The following ZC3H13 variants were observed in gnomAD, a reference collection of about 807,000 sequenced individuals.
ZC3H13 encodes zinc finger CCCH domain-containing protein 13.
In ZC3H13, 64 loss-of-function variants were observed where a neutral mutation model predicts 204.1. The observed-to-expected ratio is 0.31, with a 90% CI of 0.26 to 0.39. The LOEUF is 0.39. Ranked by LOEUF, ZC3H13 falls within the 10% of genes least tolerant of loss-of-function variation. The probability of loss-of-function intolerance (pLI) is 1.00; values close to 1 mark genes in which losing one functional copy is unlikely to be tolerated. For missense variants in ZC3H13, 1,833 were observed against 2,082.7 expected, an observed-to-expected ratio of 0.88 and a Z score of 2.33; for synonymous variants, 667 against 693.7, an observed-to-expected ratio of 0.96 and a Z score of 0.60.
chr13:46,038,304 C>T (rs916642361), intron 4 of ZC3H13, among the ~76,000 whole-genome samples: 9 of 152,174 alleles, frequency 5.9e-5, no homozygotes, highest in Non-Finnish European at 1.0e-4. Flanking sequence ...GACACCGCGT[C>T]GATCCTTCAA....
intron 3 of ZC3H13, among the ~76,000 whole-genome samples, chr13:46,044,246 C>A: frequency 6.6e-6 from 1 of 150,946 alleles, no homozygotes; most frequent in African/African-American, 2.4e-5. Context: ...CCAAAACAAT[C>A]AGTGTAACCA....
chr13:46,033,677 A>C (rs1301860314), intron 4 of ZC3H13, among the ~76,000 whole-genome samples: 13 of 152,160 alleles, frequency 8.5e-5, no homozygotes, highest in Admixed American at 8.5e-4. Context: ...AAGTACTCTC[A>C]GTAAAAGGAA....
intron 9 of ZC3H13, among the ~76,000 whole-genome samples, chr13:45,987,880 G>A (rs2138240723): frequency 6.6e-6 from 1 of 152,316 alleles, no homozygotes; most frequent in South Asian, 2.1e-4. Flanking sequence ...AGAAAGAGAT[G>A]AGAGCTATTA....
At chr13:46,001,618 CAT>C (rs1387222563) in intron 8 of ZC3H13, among the ~76,000 whole-genome samples, 2 of 152,174 alleles carry the variant, frequency 1.3e-5, no homozygotes, top group African/African-American at 4.8e-5. Flanking sequence ...TTCAACTCCT[CAT>C]AACACAAATG....
rs1280273577 is a variant in ZC3H13 at position 45,975,279 on chromosome 13, T to G, written c.2468+4A>C. ...TGTTATTAATAACTGATAATTATTC[T>G]TACTTTGATTTTCTTTCATCATGTC... is the stretch of plus-strand genomic sequence containing the variant. On this transcript the variant is annotated splice_donor_region_variant and intron_variant, in intron 12 of 18. Coordinates refer to ENST00000679008, the MANE Select transcript of ZC3H13 (RefSeq NM_001330564.2). 6.2e-6 allele frequency: 10 copies of G among 1,604,810 alleles called. No homozygotes were observed. Among genetic ancestry groups the G allele is most frequent in the Non-Finnish European group, 8.5e-6 (10 of 1,174,280 alleles).
At position 46,049,443 on chromosome 13, in the gene ZC3H13, C is replaced by T. The variant is rs559245549; in HGVS notation, c.-10+2961G>A. ...ATTCTTCTGATCATCCATGTAAAAA[C>T]TTCCACAAGTAGTCAACAATAAAAT... is the stretch of plus-strand genomic sequence containing the variant. On this transcript the variant is annotated intron_variant, in intron 1 of 18. Coordinates refer to ENST00000679008, the MANE Select transcript of ZC3H13 (RefSeq NM_001330564.2). Among the ~76,000 whole-genome samples the T allele has an allele frequency of 2.0e-4, 30 of 152,196 alleles. No individual in the cohort carries two copies. The South Asian group carries it at 6.0e-3, about 31-fold the overall frequency.
At chr13:45,997,604 A>C (rs564228152) in intron 8 of ZC3H13, among the ~76,000 whole-genome samples, 2 of 152,336 alleles carry the variant, frequency 1.3e-5, no homozygotes, top group South Asian at 4.1e-4. Flanking sequence ...TGGATAATTC[A>C]GTAAACATTA....
intron 4 of ZC3H13, among the ~76,000 whole-genome samples, chr13:46,033,097 C>G (rs2043000502): frequency 6.6e-6 from 1 of 151,960 alleles, no homozygotes; most frequent in Non-Finnish European, 1.5e-5. Flanking sequence ...AAAGACTTTT[C>G]TGAATGTAAA....
rs2040874270 is a variant in ZC3H13, at chr13:46,003,208, T to C, written c.875A>G (p.Glu292Gly). The change falls in exon 8 of 19, where the codon GAA (glutamate) becomes GGA (glycine). Residue 292 changes from glutamate to glycine, a missense_variant. Physicochemically the swap from Glu to Gly is moderately conservative, Grantham distance 98. Around this residue, in one of 5 missense-constraint regions of ZC3H13, gnomAD observed 1,574 missense variants for 1,757.2 expected, o/e 0.90. Transcript: ENST00000679008. ...EKYKVKDRIE[E>G]KTRDGKDRGR... ...TCTGTCCTTTCCATCTCTTGTTTTTTCTTCTATCCTGTCTTTTACTTTATA... is the reference window on the plus strand; with the variant it reads ...TCTGTCCTTTCCATCTCTTGTTTTTCCTTCTATCCTGTCTTTTACTTTATA... The C allele has an allele frequency of 6.2e-7, 1 of 1,613,110 alleles. No homozygotes were observed. The highest frequency in any genetic ancestry group is 1.3e-5 in the African/African-American group (1 of 74,846).
At chr13:46,030,344 T>C (rs1173620951) in intron 4 of ZC3H13, among the ~76,000 whole-genome samples, 2 of 152,234 alleles carry the variant, frequency 1.3e-5, no homozygotes, top group Non-Finnish European at 2.9e-5. Context: ...CCTCTCACTA[T>C]TCCTTTTCAT....
intron 4 of ZC3H13, among the ~76,000 whole-genome samples, chr13:46,031,693 C>A (rs1209923998): frequency 6.6e-6 from 1 of 152,112 alleles, no homozygotes; most frequent in Non-Finnish European, 1.5e-5. Flanking sequence ...AAGAGCTTAT[C>A]TAATAGGGAA....
At chr13:46,014,744 T>A (rs574202518) in intron 5 of ZC3H13, among the ~76,000 whole-genome samples, 1 of 152,324 alleles carries the variant, frequency 6.6e-6, no homozygotes, top group East Asian at 1.9e-4. Flanking sequence ...ATATTCCTCC[T>A]ACAGCCATCC....
chr13:46,036,699 A>T (rs2043228765), intron 4 of ZC3H13, among the ~76,000 whole-genome samples: 1 of 152,172 alleles, frequency 6.6e-6, no homozygotes, highest in African/African-American at 2.4e-5. Context: ...AATTAACATC[A>T]GTTAAAATAT....
At chr13:45,962,402 A>G (rs1329056361) in intron 17 of ZC3H13, 1 of 985,292 alleles carries the variant, frequency 1.0e-6, no homozygotes, top group Admixed American at 6.2e-5. Context: ...GCTACTAGCA[A>G]AAGGTCACAG....
intron 5 of ZC3H13, among the ~76,000 whole-genome samples, chr13:46,019,730 T>G (rs892789328): frequency 2.0e-5 from 3 of 152,146 alleles, no homozygotes; most frequent in African/African-American, 4.8e-5. Flanking sequence ...ATCACAGGCA[T>G]GCACCACCAT....
intron 10 of ZC3H13, among the ~76,000 whole-genome samples, chr13:45,981,235 C>T (rs1309574210): frequency 6.6e-6 from 1 of 152,308 alleles, no homozygotes; most frequent in South Asian, 2.1e-4. Flanking sequence ...AAATCTTTGA[C>T]AAAGATGAGT....
intron 12 of ZC3H13, 86 bp from the exon 13 acceptor site, chr13:45,970,551 T>G: frequency 9.7e-7 from 1 of 1,030,074 alleles, no homozygotes; most frequent in Non-Finnish European, 1.5e-6. Context: ...CTCTTTACTA[T>G]AACTGGAACA....
At chr13:46,044,398 C>T (rs1239184750) in intron 3 of ZC3H13, among the ~76,000 whole-genome samples, 2 of 151,840 alleles carry the variant, frequency 1.3e-5, no homozygotes, top group Non-Finnish European at 2.9e-5. Flanking sequence ...CTTTATTAAG[C>T]AAGTTTAATC....
In ZC3H13 at chr13:45,983,488, G is replaced by A. The variant is rs546004577; in HGVS notation, c.1720+1809C>T. Among the ~76,000 whole-genome samples the A allele has an allele frequency of 5.5e-3, 674 of 123,284 alleles. 6 individuals carry two copies. Among genetic ancestry groups the A allele is most frequent in the Admixed American group, 7.7e-3 (83 of 10,814 alleles). The allele number at this position is 123,284 out of a possible 152,430, so 80.9% of individuals were successfully genotyped here. A position where few individuals can be genotyped will look rare whatever the true frequency, so the allele number is the denominator to read the frequency against. On this transcript the variant is annotated intron_variant, in intron 10 of 18. Coordinates refer to ENST00000679008, the MANE Select transcript of ZC3H13 (RefSeq NM_001330564.2). ...TTCGCCCAAGCTGGACTGCAGTGGCGCTATCCCGGCTCACTGCAAGCTCCG... is the reference window on the plus strand; with the variant it reads ...TTCGCCCAAGCTGGACTGCAGTGGCACTATCCCGGCTCACTGCAAGCTCCG...
Sources: gnomAD v4.1 joint callset for allele counts (sites outside exome capture counted in the v4.1 genomes callset) on GRCh38, gnomAD v4.1.1 for gene constraint, gnomAD v4.1.1 regional missense constraint, MANE v1.5 for transcripts, NCBI Gene and HGNC (gene_info 2026-07-23, HGNC 2026-07-21) for gene names.